The following GRIN2A variants were observed in gnomAD, a reference collection of about 807,000 sequenced individuals.
GRIN2A encodes glutamate receptor ionotropic, NMDA 2A.
Under a neutral mutation model 113.4 loss-of-function variants are expected in GRIN2A, and 22 were observed. That is an observed-to-expected ratio of 0.19 (90% CI 0.14 to 0.28). The LOEUF (loss-of-function observed/expected upper bound fraction) is 0.28. Among genes scored for constraint, GRIN2A ranks in the 10% least tolerant of loss-of-function variants. GRIN2A has a pLI of 1.00. For missense variants in GRIN2A, 1,502 were observed against 1,887.0 expected, an observed-to-expected ratio of 0.80 and a Z score of 3.78; for synonymous variants, 827 against 738.4, an observed-to-expected ratio of 1.12 and a Z score of -1.94.
rs1420044 is a variant in GRIN2A, at chr16:9,820,276, G to A, written c.2168+1988C>T. On this transcript the variant is annotated intron_variant, in intron 10 of 12. Coordinates refer to ENST00000330684, the MANE Select transcript of GRIN2A (RefSeq NM_001134407.3). ...CAACCATTATCATCTGCATTTGTGC[G>A]CATGGTCTGTCCAAAACAACAGTAT... Among the ~76,000 whole-genome samples, 95 of 152,104 alleles carry A rather than the reference G, an allele frequency of 6.2e-4. 1 individual carries two copies. In the East Asian group the frequency reaches 0.015, roughly 24 times the overall value.
chr16:10,123,395 A>C (rs1319281946), intron 2 of GRIN2A, among the ~76,000 whole-genome samples: 2 of 152,116 alleles, frequency 1.3e-5, no homozygotes, highest in Non-Finnish European at 2.9e-5. Flanking sequence ...TTTTGTTGAA[A>C]ATACTAAATT....
At chr16:10,177,905 A>T (rs544866809) in intron 2 of GRIN2A, among the ~76,000 whole-genome samples, 1 of 152,290 alleles carries the variant, frequency 6.6e-6, no homozygotes, top group South Asian at 2.1e-4. Flanking sequence ...AATGAGTCAC[A>T]TGACAGCCTG....
intron 2 of GRIN2A, among the ~76,000 whole-genome samples, chr16:9,957,213 G>A (rs2045329379): frequency 6.6e-6 from 1 of 152,134 alleles, no homozygotes. Flanking sequence ...CTTGTTCTCA[G>A]CCAGGGGGAC....
chr16:9,929,065 T>C (rs1243836318), intron 3 of GRIN2A, among the ~76,000 whole-genome samples: 1 of 152,218 alleles, frequency 6.6e-6, no homozygotes, highest in East Asian at 1.9e-4. Flanking sequence ...TAACTCTTTC[T>C]CTCCAACATT....
chr16:10,035,924 A>G (rs1279232450), intron 2 of GRIN2A, among the ~76,000 whole-genome samples: 3 of 152,060 alleles, frequency 2.0e-5, no homozygotes, highest in Non-Finnish European at 4.4e-5. Flanking sequence ...GGGTTTCACC[A>G]TGTTGGCCAG....
chr16:9,849,147 T>C (rs1281873160), intron 5 of GRIN2A, among the ~76,000 whole-genome samples: 1 of 132,554 alleles, frequency 7.5e-6, no homozygotes, highest in Non-Finnish European at 1.6e-5. Flanking sequence ...TACACTGTTT[T>C]ATATATTTAA....
At chr16:10,163,060 A>C (rs2049836566) in intron 2 of GRIN2A, among the ~76,000 whole-genome samples, 1 of 152,192 alleles carries the variant, frequency 6.6e-6, no homozygotes, top group Non-Finnish European at 1.5e-5. Context: ...GCTTCTGCAA[A>C]TGAGCACATC....
chr16:9,817,859 C>T (rs2042213804), intron 10 of GRIN2A, among the ~76,000 whole-genome samples: 1 of 152,188 alleles, frequency 6.6e-6, no homozygotes, highest in African/African-American at 2.4e-5. Flanking sequence ...AGCAGCTGAG[C>T]CACATGCTCT....
chr16:9,784,571 A>C (rs1233635213), intron 11 of GRIN2A, among the ~76,000 whole-genome samples: 3 of 152,162 alleles, frequency 2.0e-5, no homozygotes, highest in Non-Finnish European at 2.9e-5. Flanking sequence ...AATGGCAACA[A>C]AAGCCAAAAT....
chr16:9,887,438 T>A (rs1484294572), intron 4 of GRIN2A, among the ~76,000 whole-genome samples: 1 of 152,196 alleles, frequency 6.6e-6, no homozygotes, highest in Middle Eastern at 3.2e-3. Flanking sequence ...AATATAATCT[T>A]TCATGTCTTC....
chr16:9,798,571 G>C (rs1317290893), intron 10 of GRIN2A, 107 bp from the exon 11 acceptor site: 1 of 790,702 alleles, frequency 1.3e-6, no homozygotes, highest in African/African-American at 1.7e-5. Flanking sequence ...TTTCATGCTG[G>C]TGATGATGAC....
chr16:10,010,286 T>C (rs2046481780), intron 2 of GRIN2A, among the ~76,000 whole-genome samples: 1 of 152,156 alleles, frequency 6.6e-6, no homozygotes. Flanking sequence ...CCTAGGTGAG[T>C]TTCCACAGCC....
chr16:10,181,150 G>A (rs960182149), intron 1 of GRIN2A, among the ~76,000 whole-genome samples: 1 of 152,020 alleles, frequency 6.6e-6, no homozygotes, highest in Non-Finnish European at 1.5e-5. Context: ...TCGAGCCAAG[G>A]GGCCGTGGAG....
At chr16:10,115,565 C>G (rs2048715308) in intron 2 of GRIN2A, among the ~76,000 whole-genome samples, 1 of 152,230 alleles carries the variant, frequency 6.6e-6, no homozygotes, top group Non-Finnish European at 1.5e-5. Context: ...CTGGGACACC[C>G]ACTCTACTTA....
intron 2 of GRIN2A, among the ~76,000 whole-genome samples, chr16:10,176,207 G>C (rs917232720): frequency 1.3e-5 from 2 of 151,958 alleles, no homozygotes; most frequent in Admixed American, 6.6e-5. Context: ...GTTTAAGCAT[G>C]TTGGCCAGGC....
At chr16:9,810,755 G>C (rs2042070702) in intron 10 of GRIN2A, among the ~76,000 whole-genome samples, 1 of 152,186 alleles carries the variant, frequency 6.6e-6, no homozygotes, top group East Asian at 1.9e-4. Context: ...AAATTCTGTT[G>C]TTGCAACCCA....
At chr16:10,039,802 G>GAGGGAGGGGCAGGGGGA in intron 2 of GRIN2A, among the ~76,000 whole-genome samples, 1 of 56,166 alleles carries the variant, frequency 1.8e-5, no homozygotes, top group Non-Finnish European at 3.2e-5. Flanking sequence ...GGGAGGGGGA[G>GAGGGAGGGGCAGGGGGA]GGGGGGGAGA....
chr16:10,158,015 T>C (rs1410498186), intron 2 of GRIN2A, among the ~76,000 whole-genome samples: 1 of 152,118 alleles, frequency 6.6e-6, no homozygotes, highest in Non-Finnish European at 1.5e-5. Flanking sequence ...TTTATTTATT[T>C]ATTTTTTGAG....
chr16:9,955,444 T>G (rs1280572636), intron 2 of GRIN2A, among the ~76,000 whole-genome samples: 2 of 152,176 alleles, frequency 1.3e-5, no homozygotes, highest in Non-Finnish European at 2.9e-5. Context: ...TAGGCAAATT[T>G]CCGCTCTTCC....
Sources: gnomAD v4.1 joint callset for allele counts (sites outside exome capture counted in the v4.1 genomes callset) on GRCh38, gnomAD v4.1.1 for gene constraint, MANE v1.5 for transcripts, NCBI Gene and HGNC (gene_info 2026-07-23, HGNC 2026-07-21) for gene names.